Variants in XXYLT1 observed in about 807,000 individuals in gnomAD.
The protein encoded by XXYLT1 is UDP-xylose:alpha-xyloside alpha-1,3-xylosyltransferase.
In XXYLT1, 20 loss-of-function variants were observed where a neutral mutation model predicts 28.9. The observed-to-expected ratio is 0.69, with a 90% CI of 0.49 to 1.00. The LOEUF (loss-of-function observed/expected upper bound fraction) is 1.00, where lower values mean the gene tolerates loss of function less well. XXYLT1 is among the 50% of genes least tolerant of loss of function. The probability of loss-of-function intolerance (pLI) is 0.00; values close to 1 mark genes in which losing one functional copy is unlikely to be tolerated. For synonymous variants in XXYLT1, 257 were observed against 253.8 expected (o/e 1.01, Z -0.12); for missense variants, 542 against 560.1 (o/e 0.97, Z 0.33).
rs1484040956 is a variant in XXYLT1, at chr3:195,199,610, C to CA, written c.652+27098dup. Among the ~76,000 whole-genome samples, 1,338 of 149,328 alleles carry CA rather than the reference C, an allele frequency of 9.0e-3. 20 individuals are homozygous for CA. The highest frequency in any genetic ancestry group is 0.032 in the African/African-American group (1,277 of 39,668). On this transcript the variant is annotated intron_variant, in intron 2 of 3. Coordinates refer to ENST00000310380, the MANE Select transcript of XXYLT1 (RefSeq NM_152531.5). ...TGGGTGACAAAGTGAGACTCGGTCT[C>CA]AAAAGAAAAAAAAAGAATCTTGTTG...
At position 195,142,936 on chromosome 3, in the gene XXYLT1, G is replaced by A. The variant is rs139830401; in HGVS notation, c.785+13513C>T. On this transcript the variant is annotated intron_variant, in intron 3 of 3. Coordinates refer to ENST00000310380, the MANE Select transcript of XXYLT1 (RefSeq NM_152531.5). ...CCTTCAACCTCCCAAAAGCATCTTC[G>A]GGCACCGAGAGGAGTTTAAAGATGC... Among the ~76,000 whole-genome samples the A allele has an allele frequency of 1.6e-4, 25 of 152,148 alleles. 1 individual carries two copies. The highest frequency in any genetic ancestry group is 6.0e-4 in the African/African-American group (25 of 41,494).
intron 2 of XXYLT1, among the ~76,000 whole-genome samples, chr3:195,208,730 A>G (rs1487776281): frequency 6.6e-6 from 1 of 152,176 alleles, no homozygotes; most frequent in Non-Finnish European, 1.5e-5. Flanking sequence ...TACCCCTAAT[A>G]AACCCTCTGT....
At chr3:195,125,203 A>G (rs1357903576) in intron 3 of XXYLT1, among the ~76,000 whole-genome samples, 1 of 152,240 alleles carries the variant, frequency 6.6e-6, no homozygotes. Context: ...ACCTGTCCCC[A>G]AGAGCAGGGG....
intron 2 of XXYLT1, among the ~76,000 whole-genome samples, chr3:195,164,069 C>A (rs1044826019): frequency 2.6e-5 from 4 of 152,214 alleles, no homozygotes; most frequent in Admixed American, 1.3e-4. Flanking sequence ...CAAAAGGTTA[C>A]CCCCAAATAA....
chr3:195,187,237 C>CAA (rs749480905), intron 2 of XXYLT1, among the ~76,000 whole-genome samples: 2 of 108,368 alleles, frequency 1.8e-5, no homozygotes, highest in Non-Finnish European at 1.9e-5. Flanking sequence ...GACTCCATCT[C>CAA]AAAAAAAAAA....
intron 3 of XXYLT1, among the ~76,000 whole-genome samples, chr3:195,087,943 G>A (rs1275229525): frequency 1.3e-5 from 2 of 151,910 alleles, no homozygotes; most frequent in East Asian, 1.9e-4. Context: ...CTGGAAAATC[G>A]GGTCACTCCC....
Position 195,180,376 on chromosome 3 carries a change from G to T in XXYLT1, c.653-23795C>A. The stretch of plus-strand genomic sequence containing the variant: ...ATGGTTTATCCCCCTGGCCCGCCTG[G>T]CCCTCAAGACACACTTCCTTCGGCT... On this transcript the variant is annotated intron_variant, in intron 2 of 3. Coordinates refer to ENST00000310380, the MANE Select transcript of XXYLT1 (RefSeq NM_152531.5). This position sits in a 1 kb window ranked among gnomAD's most constrained non-coding sequence, Gnocchi z 5.8. 1.0e-6 allele frequency: 1 copy of T among 985,194 alleles called. No individual in the cohort carries two copies. The highest frequency in any genetic ancestry group is 1.2e-6 in the Non-Finnish European group (1 of 830,030). 61.0% of individuals were successfully genotyped at this position (985,194 alleles called of 1,614,324 possible).
chr3:195,271,076 C>A lies in XXYLT1; in HGVS notation c.-18G>T. On this transcript the variant is annotated 5_prime_UTR_variant, in exon 1 of 4. Coordinates refer to ENST00000310380, the MANE Select transcript of XXYLT1 (RefSeq NM_152531.5). ...AGGCCCATGCGCTACGAGACCGCGG[C>A]GCCAGCGGTGCCAGCAACGCGGGAG... The A allele has an allele frequency of 7.6e-7, 1 of 1,318,928 alleles. No homozygotes were observed. Among genetic ancestry groups the A allele is most frequent in the South Asian group, 2.0e-5 (1 of 49,796 alleles). 81.7% of individuals were successfully genotyped at this position (1,318,928 alleles called of 1,614,324 possible). A position where few individuals can be genotyped will look rare whatever the true frequency, so the allele number is the denominator to read the frequency against.
chr3:195,233,951 C>A (rs1009800484), intron 1 of XXYLT1, among the ~76,000 whole-genome samples: 5 of 152,182 alleles, frequency 3.3e-5, no homozygotes, highest in Admixed American at 1.3e-4. Context: ...GAGTCTCACT[C>A]TGTCACCCAG....
intron 1 of XXYLT1, among the ~76,000 whole-genome samples, chr3:195,258,272 A>T (rs1395290655): frequency 6.6e-6 from 1 of 152,194 alleles, no homozygotes; most frequent in South Asian, 2.1e-4. Context: ...GCATAGGAGC[A>T]GGCTCTGGGA....
chr3:195,225,728 G>C (rs572157631), intron 2 of XXYLT1, among the ~76,000 whole-genome samples: 1 of 151,858 alleles, frequency 6.6e-6, no homozygotes, highest in Non-Finnish European at 1.5e-5. Context: ...CACATGTGGT[G>C]GGGGGGACCT....
At chr3:195,183,599 T>C (rs1358029197) in intron 2 of XXYLT1, 3 of 152,240 alleles carry the variant, frequency 2.0e-5, no homozygotes, top group Non-Finnish European at 4.4e-5. Flanking sequence ...TTGGCTTCCA[T>C]CTGTTGTGGC....
chr3:195,095,989 A>G (rs1369929170), intron 3 of XXYLT1: 1 of 152,082 alleles, frequency 6.6e-6, no homozygotes, highest in Non-Finnish European at 1.5e-5. Context: ...GGCTCCGGGA[A>G]CCCAATTCAA....
At chr3:195,233,318 T>G (rs530127587) in intron 1 of XXYLT1, among the ~76,000 whole-genome samples, 1 of 152,182 alleles carries the variant, frequency 6.6e-6, no homozygotes, top group South Asian at 2.1e-4. Flanking sequence ...AAAAAATCTA[T>G]TCATTCACTC....
At chr3:195,261,473 A>G (rs1196335903) in intron 1 of XXYLT1, among the ~76,000 whole-genome samples, 1 of 152,144 alleles carries the variant, frequency 6.6e-6, no homozygotes, top group Non-Finnish European at 1.5e-5. Flanking sequence ...TAAAGAAAAG[A>G]AAAGAAAAAG....
chr3:195,217,112 A>G (rs1261696309), intron 2 of XXYLT1, among the ~76,000 whole-genome samples: 1 of 132,774 alleles, frequency 7.5e-6, no homozygotes, highest in African/African-American at 3.5e-5. Context: ...AAATTCAACA[A>G]CCCTTCATGC....
intron 3 of XXYLT1, among the ~76,000 whole-genome samples, chr3:195,104,302 A>C (rs1173597934): frequency 6.6e-6 from 1 of 152,070 alleles, no homozygotes; most frequent in African/African-American, 2.4e-5. Context: ...GAACAGAAAC[A>C]GAAGTATGAA....
Position 195,069,522 on chromosome 3 carries a change from A to T in XXYLT1, c.*193T>A. ...CTGGAGGAATAAGGTCCCAAGCACC[A>T]GCAGTGCACAGGCCAGTCCTTGGCG... On this transcript the variant is annotated 3_prime_UTR_variant, in exon 4 of 4. Transcript: ENST00000310380. 1 of 712,660 alleles carries T rather than the reference A, an allele frequency of 1.4e-6. No homozygotes were observed. Among genetic ancestry groups the T allele is most frequent in the Non-Finnish European group, 2.3e-6 (1 of 443,060 alleles). The allele number at this position is 712,660 out of a possible 1,614,324, so 44.1% of individuals were successfully genotyped here. A position where few individuals can be genotyped will look rare whatever the true frequency, so the allele number is the denominator to read the frequency against.
chr3:195,134,524 G>A (rs907344206), intron 3 of XXYLT1: 1 of 155,626 alleles, frequency 6.4e-6, no homozygotes, highest in Non-Finnish European at 1.5e-5. Context: ...TGTAGCCCAG[G>A]AGCACGAGGC....
Sources: gnomAD v4.1 joint callset for allele counts (sites outside exome capture counted in the v4.1 genomes callset) on GRCh38, gnomAD v4.1.1 for gene constraint, Gnocchi (gnomAD v3.1) non-coding constraint, MANE v1.5 for transcripts, NCBI Gene and HGNC (gene_info 2026-07-23, HGNC 2026-07-21) for gene names.